GRAMD1C: variants seen among roughly 807,000 people sequenced by gnomAD.
GRAMD1C encodes the protein protein Aster-C.
Under a neutral mutation model 97.8 loss-of-function variants are expected in GRAMD1C, and 89 were observed. That is an observed-to-expected ratio of 0.91 (90% CI 0.77 to 1.09). The LOEUF is 1.09. Ranked by LOEUF, GRAMD1C falls within the 50% of genes least tolerant of loss-of-function variation. The pLI is 0.00. For synonymous variants in GRAMD1C, 256 were observed against 267.0 expected, an observed-to-expected ratio of 0.96 and a Z score of 0.40; for missense variants, 740 against 766.4, an observed-to-expected ratio of 0.97 and a Z score of 0.41.
intron 2 of GRAMD1C, among the ~76,000 whole-genome samples, chr3:113,864,190 G>A (rs1180772209): frequency 6.6e-6 from 1 of 152,080 alleles, no homozygotes; most frequent in African/African-American, 2.4e-5. Context: ...TTGGCTCACT[G>A]CAACCTCTGC....
At chr3:113,913,006 G>A (rs1471311388) in intron 9 of GRAMD1C, 2 of 492,342 alleles carry the variant, frequency 4.1e-6, no homozygotes, top group Non-Finnish European at 6.9e-6. Flanking sequence ...TGTAGTGGGA[G>A]ACATTTGGAA....
At chr3:113,833,619 G>A (rs548911387) in intron 1 of GRAMD1C, among the ~76,000 whole-genome samples, 7 of 152,072 alleles carry the variant, frequency 4.6e-5, no homozygotes, top group African/African-American at 1.7e-4. Context: ...TCGAGAATAA[G>A]GTCTGTACTG....
intron 10 of GRAMD1C, among the ~76,000 whole-genome samples, chr3:113,925,228 G>T (rs1274584689): frequency 6.6e-6 from 1 of 152,118 alleles, no homozygotes; most frequent in Non-Finnish European, 1.5e-5. Context: ...GGGGGCTCAC[G>T]CCTGTAATCC....
intron 6 of GRAMD1C, among the ~76,000 whole-genome samples, chr3:113,893,214 C>CT (rs200007295): frequency 3.9e-5 from 6 of 151,928 alleles, no homozygotes; most frequent in Admixed American, 1.3e-4. Context: ...CCAAAGTTAT[C>CT]TTTTTTTAAA....
chr3:113,847,970 T>C (rs1933689736), intron 2 of GRAMD1C, among the ~76,000 whole-genome samples: 1 of 152,232 alleles, frequency 6.6e-6, no homozygotes, highest in Non-Finnish European at 1.5e-5. Context: ...AGTTGTGCTT[T>C]TTCACTTTAG....
At position 113,933,510 on chromosome 3, in the gene GRAMD1C, G is replaced by A; in HGVS notation, c.1210-1G>A. Reference sequence around the variant, plus strand: ...AAACATTTTTTATCTTACTTTGGCAGACACTGTATAAAGAAAGTCGGGAAG... The same window carrying A: ...AAACATTTTTTATCTTACTTTGGCAAACACTGTATAAAGAAAGTCGGGAAG... On this transcript the variant is annotated splice_acceptor_variant, in intron 11 of 17. Coordinates refer to ENST00000358160, the MANE Select transcript of GRAMD1C (RefSeq NM_017577.5). LOFTEE classifies it high-confidence loss of function. The A allele has an allele frequency of 6.2e-7, 1 of 1,607,318 alleles. No individual in the cohort carries two copies. The highest frequency in any genetic ancestry group is 8.5e-7 in the Non-Finnish European group (1 of 1,174,160).
intron 10 of GRAMD1C, chr3:113,920,282 C>T (rs1936990558): frequency 1.7e-6 from 1 of 576,488 alleles, no homozygotes; most frequent in Non-Finnish European, 3.0e-6. Flanking sequence ...ATGGTTGCAG[C>T]TGTAGAGGGG....
intron 1 of GRAMD1C, among the ~76,000 whole-genome samples, chr3:113,843,914 T>A (rs1262909151): frequency 1.3e-5 from 2 of 152,242 alleles, no homozygotes; most frequent in Admixed American, 6.5e-5. Context: ...CATTGCAGTA[T>A]ATGTCTATCT....
chr3:113,885,498 T>A, intron 6 of GRAMD1C: 1 of 1,606,566 alleles, frequency 6.2e-7, no homozygotes, highest in Non-Finnish European at 8.5e-7. Flanking sequence ...TGGTGCTGGA[T>A]CTGGATGAGA....
chr3:113,833,518 C>A (rs1024040118), intron 1 of GRAMD1C, among the ~76,000 whole-genome samples: 3 of 152,048 alleles, frequency 2.0e-5, no homozygotes, highest in Non-Finnish European at 4.4e-5. Context: ...GTGTCCTACC[C>A]TTGGAAGAGT....
chr3:113,875,601 CATTTG>C lies in GRAMD1C; in HGVS notation c.363+20_363+24del. The C allele has an allele frequency of 9.1e-7, 1 of 1,096,240 alleles. No individual in the cohort carries two copies. Among genetic ancestry groups the C allele is most frequent in the Admixed American group, 1.7e-5 (1 of 59,198 alleles). The allele number at this position is 1,096,240 out of a possible 1,614,324, so 67.9% of individuals were successfully genotyped here. A position where few individuals can be genotyped will look rare whatever the true frequency, so the allele number is the denominator to read the frequency against. On this transcript the variant is annotated intron_variant, in intron 4 of 17. Transcript: ENST00000358160. ...TGGGAAACTACAGTAAGACATTTTG[CATTTG>C]ATTTGTTGATACAAATAATTGCATA...
intron 10 of GRAMD1C, among the ~76,000 whole-genome samples, chr3:113,925,942 C>T (rs941949388): frequency 3.3e-5 from 5 of 152,310 alleles, no homozygotes; most frequent in African/African-American, 1.2e-4. Context: ...ATAGGATTCC[C>T]TTTGTAGGTG....
chr3:113,876,359 T>C (rs1457302466), intron 5 of GRAMD1C, 99 bp downstream of exon 5: 1 of 675,430 alleles, frequency 1.5e-6, no homozygotes, highest in African/African-American at 1.8e-5. Context: ...TTCCTGGAGT[T>C]AGGAATATCT....
At chr3:113,926,918 A>T (rs1166117612) in intron 10 of GRAMD1C, among the ~76,000 whole-genome samples, 1 of 152,128 alleles carries the variant, frequency 6.6e-6, no homozygotes, top group African/African-American at 2.4e-5. Flanking sequence ...TTCCTGGTCC[A>T]CTGGCCACAA....
chr3:113,930,618 T>C (rs569869999), intron 10 of GRAMD1C, 96 bp from the exon 11 acceptor site: 6 of 690,636 alleles, frequency 8.7e-6, no homozygotes, highest in African/African-American at 7.2e-5. Flanking sequence ...TAGTCAAAAA[T>C]AGAAATTTTA....
chr3:113,860,276 T>C (rs907711490), intron 2 of GRAMD1C, among the ~76,000 whole-genome samples: 1 of 152,128 alleles, frequency 6.6e-6, no homozygotes, highest in African/African-American at 2.4e-5. Context: ...CGCCTTGGCC[T>C]CCCAAAGTGC....
chr3:113,838,944 G>A lies in GRAMD1C; in HGVS notation c.27+8G>A, dbSNP rs763703819. On this transcript the variant is annotated splice_region_variant and intron_variant, in intron 1 of 17. Coordinates refer to ENST00000358160, the MANE Select transcript of GRAMD1C (RefSeq NM_017577.5). Reference sequence around the variant, plus strand: ...GCTCCGACTGTCCGTCAGGTAAGCCGCGGGCCTCGCTGGGGCAGGTTCCCA... The same window carrying A: ...GCTCCGACTGTCCGTCAGGTAAGCCACGGGCCTCGCTGGGGCAGGTTCCCA... The A allele has an allele frequency of 4.7e-5, 51 of 1,088,834 alleles. No individual in the cohort carries two copies. In the South Asian group the frequency reaches 1.8e-3, roughly 39 times the overall value. The allele number at this position is 1,088,834 out of a possible 1,614,324, so 67.4% of individuals were successfully genotyped here.
intron 10 of GRAMD1C, among the ~76,000 whole-genome samples, chr3:113,918,067 T>C (rs1007767645): frequency 6.6e-6 from 1 of 152,110 alleles, no homozygotes; most frequent in Non-Finnish European, 1.5e-5. Context: ...AAATCAATTT[T>C]GTTCTTATTA....
chr3:113,909,608 CTT>C (rs955362356), intron 9 of GRAMD1C, among the ~76,000 whole-genome samples: 77 of 152,300 alleles, frequency 5.1e-4, no homozygotes, highest in Middle Eastern at 6.8e-3. Flanking sequence ...GTTATTTTCT[CTT>C]TTCCTCCTTT....
Sources: gnomAD v4.1 joint callset for allele counts (sites outside exome capture counted in the v4.1 genomes callset) on GRCh38, gnomAD v4.1.1 for gene constraint, MANE v1.5 for transcripts, NCBI Gene and HGNC (gene_info 2026-07-23, HGNC 2026-07-21) for gene names.